ATP10A: variants seen among roughly 807,000 people sequenced by gnomAD.
The protein encoded by ATP10A is ATPase phospholipid transporting 10A (putative).
A neutral mutation model predicts 147.8 loss-of-function variants in ATP10A; 111 were observed. The observed-to-expected ratio is 0.75, with a 90% CI of 0.64 to 0.88. The LOEUF (loss-of-function observed/expected upper bound fraction) is 0.88. Among genes scored for constraint, ATP10A ranks in the 40% least tolerant of loss-of-function variants. The pLI is 0.00. For missense variants in ATP10A, 1,927 were observed against 1,959.0 expected (o/e 0.98, Z 0.31); for synonymous variants, 875 against 841.6 (o/e 1.04, Z -0.69).
chr15:25,816,059 G>A (rs1295123988), intron 1 of ATP10A, among the ~76,000 whole-genome samples: 1 of 149,896 alleles, frequency 6.7e-6, no homozygotes, highest in Non-Finnish European at 1.5e-5. Flanking sequence ...TTGACTTATA[G>A]GAAAATTAAG....
At chr15:25,863,755 T>A (rs1482079127), upstream of ATP10A, 2 of 152,224 alleles carry the variant, frequency 1.3e-5, no homozygotes, top group Admixed American at 6.5e-5. Context: ...AAGTCTTTTT[T>A]ACGCAGGACC....
intron 1 of ATP10A, among the ~76,000 whole-genome samples, chr15:25,841,279 GTTTT>G (rs59687038): frequency 6.9e-6 from 1 of 145,578 alleles, no homozygotes; most frequent in African/African-American, 2.5e-5. Flanking sequence ...GAGGTTTAGG[GTTTT>G]TTTTTTTTTC....
chr15:25,851,243 G>A (rs369936437), intron 1 of ATP10A, among the ~76,000 whole-genome samples: 2 of 152,048 alleles, frequency 1.3e-5, no homozygotes, highest in Admixed American at 6.5e-5. Context: ...AAGAGCTCAC[G>A]GGCCTCCAAA....
chr15:25,816,626 G>C (rs192655787), intron 1 of ATP10A, among the ~76,000 whole-genome samples: 172 of 152,254 alleles, frequency 1.1e-3, no homozygotes, highest in Non-Finnish European at 2.1e-3. Context: ...CCATGCGAAA[G>C]ATTTGTGTAC....
chr15:25,811,268 C>A (rs572580095), intron 1 of ATP10A, among the ~76,000 whole-genome samples: 2 of 152,066 alleles, frequency 1.3e-5, no homozygotes, highest in African/African-American at 4.8e-5. Flanking sequence ...AGGCTCTCTG[C>A]GGATAAGGGA....
chr15:25,785,398 CT>C (rs1294611482), intron 1 of ATP10A, among the ~76,000 whole-genome samples: 3 of 152,212 alleles, frequency 2.0e-5, no homozygotes, highest in African/African-American at 7.2e-5. Flanking sequence ...CTGCCCACAC[CT>C]CGGTGTCTGA....
At position 25,686,902 on chromosome 15, in the gene ATP10A, T is replaced by C. The variant is rs1899728348; in HGVS notation, c.3291+801A>G. Among the ~76,000 whole-genome samples, 2 of 108,248 alleles carry C rather than the reference T, an allele frequency of 1.8e-5. 1 individual carries two copies. Among genetic ancestry groups the C allele is most frequent in the African/African-American group, 1.3e-4 (2 of 15,696 alleles). The allele number at this position is 108,248 out of a possible 152,430, so 71.0% of individuals were successfully genotyped here. A position where few individuals can be genotyped will look rare whatever the true frequency, so the allele number is the denominator to read the frequency against. On this transcript the variant is annotated intron_variant, in intron 16 of 20. Transcript: ENST00000555815. ...CGTGAAGATCCACATGAAATGACCA[T>C]GCAGAACCCTCAGAGAGACAGAAAT...
chr15:25,838,894 C>T (rs1037855344), intron 1 of ATP10A, among the ~76,000 whole-genome samples: 2 of 152,154 alleles, frequency 1.3e-5, no homozygotes, highest in East Asian at 3.9e-4. Context: ...TCCTTGTCTT[C>T]CCATATAACT....
In ATP10A at chr15:25,847,708, G is replaced by A. The variant is rs181925734; in HGVS notation, c.449+14940C>T. Among the ~76,000 whole-genome samples, 23 of 125,316 alleles carry A rather than the reference G, an allele frequency of 1.8e-4. No individual in the cohort carries two copies. In the East Asian group the frequency reaches 2.1e-3, roughly 11 times the overall value. The allele number at this position is 125,316 out of a possible 152,430, so 82.2% of individuals were successfully genotyped here. A position where few individuals can be genotyped will look rare whatever the true frequency, so the allele number is the denominator to read the frequency against. On this transcript the variant is annotated intron_variant, in intron 1 of 20. Coordinates refer to ENST00000555815, the MANE Select transcript of ATP10A (RefSeq NM_024490.4). ...AGTGCAGTAGTGCAATCATAATCACGTCTCACAGCACTCTTAACCTTCTGT... is the reference window on the plus strand; with the variant it reads ...AGTGCAGTAGTGCAATCATAATCACATCTCACAGCACTCTTAACCTTCTGT...
At chr15:25,684,060 A>G (rs8041681) in intron 16 of ATP10A, 63,436 of 152,954 alleles carry the variant, frequency 0.41, 15,042 homozygotes, top group African/African-American at 0.66. Flanking sequence ...ACATCGCTGC[A>G]GTGACCTGAT....
rs1888572219 is a variant in ATP10A at position 25,758,712 on chromosome 15, TCACCTGCTCCACCCTCATTCCGAC to T, written c.654+22283_654+22306del. ...CCTGCTCCACCCTAACTCATTCCGATCACCTGCTCCACCCTCATTCCGACCACCTGCTCCACCCTAACTCATTCC... is the reference window on the plus strand; with the variant it reads ...CCTGCTCCACCCTAACTCATTCCGATCACCTGCTCCACCCTAACTCATTCC... On this transcript the variant is annotated intron_variant, in intron 2 of 20. Transcript: ENST00000555815. Among the ~76,000 whole-genome samples, 4 of 27,818 alleles carry T rather than the reference TCACCTGCTCCACCCTCATTCCGAC, an allele frequency of 1.4e-4. No homozygotes were observed. In the Admixed American group the frequency reaches 1.6e-3, roughly 11 times the overall value. 18.2% of individuals were successfully genotyped at this position (27,818 alleles called of 152,430 possible). A position where few individuals can be genotyped will look rare whatever the true frequency, so the allele number is the denominator to read the frequency against.
chr15:25,822,684 C>A (rs1475945516), intron 1 of ATP10A, among the ~76,000 whole-genome samples: 7 of 152,184 alleles, frequency 4.6e-5, no homozygotes, highest in African/African-American at 1.7e-4. Flanking sequence ...CCCTCTCTCT[C>A]TCACACACAT....
chr15:25,790,619 A>C (rs1302970097), intron 1 of ATP10A, among the ~76,000 whole-genome samples: 2 of 152,252 alleles, frequency 1.3e-5, no homozygotes, highest in Non-Finnish European at 2.9e-5. Flanking sequence ...GAACACCCAG[A>C]TTAAATCTAT....
intron 1 of ATP10A, among the ~76,000 whole-genome samples, chr15:25,791,809 C>G (rs1890440883): frequency 6.6e-6 from 1 of 152,136 alleles, no homozygotes; most frequent in African/African-American, 2.4e-5. Context: ...TCTCTAAGAG[C>G]CATGGTTTGT....
rs1011098258 is a variant in ATP10A, at chr15:25,862,528, C to T, written c.449+120G>A. ...GGGTCCCGCGCAGCCGGGCCCTCCACCCTGAGTGGAGCTGCCTTCTAAGCA... is the reference window on the plus strand; with the variant it reads ...GGGTCCCGCGCAGCCGGGCCCTCCATCCTGAGTGGAGCTGCCTTCTAAGCA... On this transcript the variant is annotated intron_variant, in intron 1 of 20. Transcript: ENST00000555815. 4.1e-6 allele frequency: 5 copies of T among 1,219,276 alleles called. No homozygotes were observed. The South Asian group carries it at 7.8e-5, about 19-fold the overall frequency. The allele number at this position is 1,219,276 out of a possible 1,614,324, so 75.5% of individuals were successfully genotyped here. A position where few individuals can be genotyped will look rare whatever the true frequency, so the allele number is the denominator to read the frequency against.
Position 25,719,959 on chromosome 15 carries a change from A to T in ATP10A, c.1364-1560T>A, listed in dbSNP as rs151129533. ...GACGCTCCTTGCCTGGGTGCCTGTC[A>T]ATAGCTAGCTGATCCAGGCACTTCT... On this transcript the variant is annotated intron_variant, in intron 7 of 20. Transcript: ENST00000555815. 2.7e-4 allele frequency among the ~76,000 whole-genome samples: 41 copies of T among 152,248 alleles called. No individual in the cohort carries two copies. In the East Asian group the frequency reaches 7.4e-3, roughly 27 times the overall value.
chr15:25,863,009 T>G lies in ATP10A; in HGVS notation c.88A>C (p.Asn30His). Reference sequence around the variant, plus strand: ...TCGGCGCCCGGGGGCGGCAGCAGGTTGGAGCGCACCGTGCGCGTCCTGCCC... The same window carrying G: ...TCGGCGCCCGGGGGCGGCAGCAGGTGGGAGCGCACCGTGCGCGTCCTGCCC... ...REGRTRTVRSNLLPPPGAEDP... is the reference protein window; with the variant it reads ...REGRTRTVRSHLLPPPGAEDP... The change falls in exon 1 of 21, where the codon AAC (asparagine) becomes CAC (histidine). Residue 30 changes from asparagine to histidine, a missense_variant. Asn to His is a moderately conservative substitution (Grantham distance 68, BLOSUM62 1). Coordinates refer to ENST00000555815, the MANE Select transcript of ATP10A (RefSeq NM_024490.4). 1.5e-6 allele frequency: 2 copies of G among 1,375,036 alleles called. No individual in the cohort carries two copies. The highest frequency in any genetic ancestry group is 3.4e-5 in the South Asian group (2 of 58,074). The allele number at this position is 1,375,036 out of a possible 1,614,324, so 85.2% of individuals were successfully genotyped here.
intron 13 of ATP10A, 40 bp downstream of exon 13, chr15:25,701,875 AC>A: frequency 6.5e-7 from 1 of 1,529,834 alleles, no homozygotes; most frequent in East Asian, 2.3e-5. Context: ...AACATGGACC[AC>A]CCCAGGGGAA....
intron 2 of ATP10A, among the ~76,000 whole-genome samples, chr15:25,770,958 C>G (rs912448900): frequency 4.6e-5 from 7 of 152,182 alleles, no homozygotes. Flanking sequence ...GATTGAGGCC[C>G]TGAATTTTGG....
Sources: gnomAD v4.1 joint callset for allele counts (sites outside exome capture counted in the v4.1 genomes callset) on GRCh38, gnomAD v4.1.1 for gene constraint, MANE v1.5 for transcripts, NCBI Gene and HGNC (gene_info 2026-07-23, HGNC 2026-07-21) for gene names.